The following LRRC7 variants were observed in gnomAD, a reference collection of about 807,000 sequenced individuals.
LRRC7 encodes the protein leucine rich repeat containing 7.
In LRRC7, 23 loss-of-function variants were observed where a neutral mutation model predicts 175.7. That is an observed-to-expected ratio of 0.13 (90% CI 0.09 to 0.19). The LOEUF is 0.19. Ranked by LOEUF, LRRC7 falls within the 10% of genes least tolerant of loss-of-function variation. The probability of loss-of-function intolerance (pLI) is 1.00; values close to 1 mark genes in which losing one functional copy is unlikely to be tolerated. For synonymous variants in LRRC7, 685 were observed against 680.9 expected, an observed-to-expected ratio of 1.01 and a Z score of -0.09; for missense variants, 1,354 against 1,904.7, an observed-to-expected ratio of 0.71 and a Z score of 5.38.
chr1:69,869,965 G>T (rs1477025617), intron 7 of LRRC7, among the ~76,000 whole-genome samples: 1 of 152,126 alleles, frequency 6.6e-6, no homozygotes, highest in African/African-American at 2.4e-5. Flanking sequence ...CCATTTTACA[G>T]ATTGCAAAGA....
Position 69,791,131 on chromosome 1 carries a change from T to G in LRRC7, c.304-912T>G, listed in dbSNP as rs552810213. 3.3e-5 allele frequency among the ~76,000 whole-genome samples: 5 copies of G among 152,098 alleles called. No individual in the cohort carries two copies. The South Asian group carries it at 1.0e-3, about 31-fold the overall frequency. ...GAAATGTCAAACAGAAAAGATCTCATTAAGATAATTCTTCCAGAAATGAAT... is the reference window on the plus strand; with the variant it reads ...GAAATGTCAAACAGAAAAGATCTCAGTAAGATAATTCTTCCAGAAATGAAT... On this transcript the variant is annotated intron_variant, in intron 3 of 26. Coordinates refer to ENST00000651989, the MANE Select transcript of LRRC7 (RefSeq NM_001370785.2).
At chr1:69,783,109 A>G (rs1465592956) in intron 3 of LRRC7, among the ~76,000 whole-genome samples, 1 of 152,110 alleles carries the variant, frequency 6.6e-6, no homozygotes, top group Non-Finnish European at 1.5e-5. Context: ...TGCCATTCTG[A>G]ATATGCTTCT....
At chr1:69,781,751 GAGAGAGAGAGAGAGAA>G (rs1176600305) in intron 3 of LRRC7, among the ~76,000 whole-genome samples, 2 of 43,934 alleles carry the variant, frequency 4.6e-5, no homozygotes, top group Non-Finnish European at 7.7e-5. Context: ...GAGAGAGAGA[GAGAGAGAGAGAGAGAA>G]AGAAAGAAAG....
rs1049035834 is a variant in LRRC7, at chr1:70,139,379, C to T, written c.*17492C>T. On this transcript the variant is annotated 3_prime_UTR_variant, in exon 27 of 27. Coordinates refer to ENST00000651989, the MANE Select transcript of LRRC7 (RefSeq NM_001370785.2). ...CAGAAGTCATAAGTGAGAAAGAAAACAAGCATGTCTAGTGAAATCTGTCCA... is the reference window on the plus strand; with the variant it reads ...CAGAAGTCATAAGTGAGAAAGAAAATAAGCATGTCTAGTGAAATCTGTCCA... The T allele has an allele frequency of 6.6e-6, 1 of 152,146 alleles. No homozygotes were observed. Among genetic ancestry groups the T allele is most frequent in the Non-Finnish European group, 1.5e-5 (1 of 68,014 alleles). 9.4% of individuals were successfully genotyped at this position (152,146 alleles called of 1,614,324 possible). A position where few individuals can be genotyped will look rare whatever the true frequency, so the allele number is the denominator to read the frequency against.
Position 70,129,350 on chromosome 1 carries a change from G to A in LRRC7, c.*7463G>A, listed in dbSNP as rs6688085. Among the ~76,000 whole-genome samples, 117,256 of 152,022 alleles carry A rather than the reference G, an allele frequency of 0.77. 45,917 individuals are homozygous for A. Among genetic ancestry groups the A allele is most frequent in the African/African-American group, 0.91 (37,820 of 41,490 alleles). On this transcript the variant is annotated 3_prime_UTR_variant, in exon 27 of 27. Coordinates refer to ENST00000651989, the MANE Select transcript of LRRC7 (RefSeq NM_001370785.2). Reference sequence around the variant, plus strand: ...TAAACGTGGCAAGTGTGAATGCCTTGCTAGACAAGATAAATAGCAACCAGA... The same window carrying A: ...TAAACGTGGCAAGTGTGAATGCCTTACTAGACAAGATAAATAGCAACCAGA...
chr1:69,931,701 A>G, intron 8 of LRRC7, 131 bp downstream of exon 8: 1 of 737,542 alleles, frequency 1.4e-6, no homozygotes, highest in Non-Finnish European at 2.3e-6. Flanking sequence ...AAAAACCTGG[A>G]AGTTAATATT....
intron 22 of LRRC7, among the ~76,000 whole-genome samples, chr1:70,044,422 A>T (rs1041883157): frequency 6.6e-6 from 1 of 151,486 alleles, no homozygotes. Flanking sequence ...TTGTGTTTAT[A>T]TATATGTTTT....
intron 7 of LRRC7, among the ~76,000 whole-genome samples, chr1:69,889,116 T>A (rs1645752788): frequency 6.6e-6 from 1 of 152,214 alleles, no homozygotes; most frequent in Non-Finnish European, 1.5e-5. Context: ...TCTAACAATC[T>A]TCTGATGCTT....
chr1:69,994,909 C>T (rs558168557), intron 11 of LRRC7, among the ~76,000 whole-genome samples: 1 of 152,178 alleles, frequency 6.6e-6, no homozygotes, highest in Non-Finnish European at 1.5e-5. Context: ...CAATTATACT[C>T]TTGCTGATAT....
At chr1:69,632,942 T>G (rs1436899011) in intron 1 of LRRC7, among the ~76,000 whole-genome samples, 1 of 152,092 alleles carries the variant, frequency 6.6e-6, no homozygotes, top group Non-Finnish European at 1.5e-5. Context: ...AATTGAAAGT[T>G]TTTTCTTTCC....
rs577225759 is a variant in LRRC7 at position 69,678,459 on chromosome 1, G to A, written c.81G>A (p.Arg27=). 3.7e-6 allele frequency: 6 copies of A among 1,602,150 alleles called. No individual in the cohort carries two copies. Among genetic ancestry groups the A allele is most frequent in the Non-Finnish European group, 5.1e-6 (6 of 1,174,476 alleles). Residue 27 remains arginine, a synonymous_variant, in exon 2 of 27, where the codon CGG becomes CGA. Coordinates refer to ENST00000651989, the MANE Select transcript of LRRC7 (RefSeq NM_001370785.2). ...SPCKEVRAAL[R]KRPEEELQCL... is the part of the protein sequence containing the mutation. Reference sequence around the variant, plus strand: ...GTAAAGAGGTTCGTGCAGCACTTCGGAAGAGGCCTGAAGAGGAGTGTAAGT... The same window carrying A: ...GTAAAGAGGTTCGTGCAGCACTTCGAAAGAGGCCTGAAGAGGAGTGTAAGT...
At position 70,122,815 on chromosome 1, in the gene LRRC7, T is replaced by C. The variant is rs1239364382; in HGVS notation, c.*928T>C. On this transcript the variant is annotated 3_prime_UTR_variant, in exon 27 of 27. Coordinates refer to ENST00000651989, the MANE Select transcript of LRRC7 (RefSeq NM_001370785.2). ...TACTTGTAAATGTGGAATTTATTTG[T>C]GTGTTGCTTAATCTAATTTGCTGCT... 6.6e-6 allele frequency: 1 copy of C among 152,542 alleles called. No homozygotes were observed. The highest frequency in any genetic ancestry group is 2.4e-5 in the African/African-American group (1 of 41,458). The allele number at this position is 152,542 out of a possible 1,614,324, so 9.4% of individuals were successfully genotyped here. A position where few individuals can be genotyped will look rare whatever the true frequency, so the allele number is the denominator to read the frequency against.
chr1:69,816,754 T>A (rs1023710706), intron 4 of LRRC7, among the ~76,000 whole-genome samples: 18 of 152,168 alleles, frequency 1.2e-4, no homozygotes, highest in Non-Finnish European at 1.5e-5. Context: ...CCAGAACTTG[T>A]TCATCTTATA....
chr1:69,765,034 C>A (rs533703492), intron 3 of LRRC7, among the ~76,000 whole-genome samples: 1 of 152,098 alleles, frequency 6.6e-6, no homozygotes, highest in Admixed American at 6.6e-5. Context: ...GGAAAACATT[C>A]CCTGGTCCAT....
chr1:69,724,603 C>A, intron 2 of LRRC7, among the ~76,000 whole-genome samples: 1 of 152,004 alleles, frequency 6.6e-6, no homozygotes, highest in African/African-American at 2.4e-5. Flanking sequence ...ATACAAAAAA[C>A]TGACAAATGT....
chr1:70,127,151 A>C lies in LRRC7; in HGVS notation c.*5264A>C, dbSNP rs1470040782. Among the ~76,000 whole-genome samples the C allele has an allele frequency of 6.6e-6, 1 of 152,176 alleles. No individual in the cohort carries two copies. The highest frequency in any genetic ancestry group is 1.9e-4 in the East Asian group (1 of 5,192). ...ACAACAACAAACAAAGCCTGTGTGCAATGGTGGGGGTGGCAATGCCTTTAT... is the reference window on the plus strand; with the variant it reads ...ACAACAACAAACAAAGCCTGTGTGCCATGGTGGGGGTGGCAATGCCTTTAT... On this transcript the variant is annotated 3_prime_UTR_variant, in exon 27 of 27. Coordinates refer to ENST00000651989, the MANE Select transcript of LRRC7 (RefSeq NM_001370785.2).
At chr1:70,060,631 T>C (rs185425549) in intron 23 of LRRC7, among the ~76,000 whole-genome samples, 3 of 152,056 alleles carry the variant, frequency 2.0e-5, no homozygotes, top group Admixed American at 2.0e-4. Context: ...GTAGAGTAGA[T>C]CATGAGGCTG....
intron 11 of LRRC7, among the ~76,000 whole-genome samples, chr1:69,996,732 G>C (rs1655009573): frequency 6.6e-6 from 1 of 151,958 alleles, no homozygotes; most frequent in Admixed American, 6.6e-5. Context: ...TATTTCTGAG[G>C]GCTCTGTTCT....
chr1:69,998,056 T>C (rs974834218), intron 11 of LRRC7, among the ~76,000 whole-genome samples: 4 of 152,220 alleles, frequency 2.6e-5, no homozygotes, highest in African/African-American at 7.2e-5. Context: ...TGATAAGCTA[T>C]TGATTATTGC....
Sources: allele counts gnomAD v4.1 joint callset (sites outside exome capture counted in the v4.1 genomes callset), GRCh38; gene constraint gnomAD v4.1.1; transcripts MANE v1.5; gene names NCBI Gene and HGNC (gene_info 2026-07-23, HGNC 2026-07-21).